Variants in BPIFC observed in about 807,000 individuals in gnomAD.
BPIFC encodes the protein BPI fold-containing family C protein.
A neutral mutation model predicts 57.6 loss-of-function variants in BPIFC; 60 were observed. The ratio of observed to expected loss-of-function variants is 1.04; its 90% CI spans 0.85 to 1.29. The LOEUF (loss-of-function observed/expected upper bound fraction) is 1.29. Among genes scored for constraint, BPIFC ranks in the 50% most tolerant of loss-of-function variants. The probability of loss-of-function intolerance (pLI) is 0.00; values close to 1 mark genes in which losing one functional copy is unlikely to be tolerated. For missense variants in BPIFC, 581 were observed against 600.5 expected, an observed-to-expected ratio of 0.97 and a Z score of 0.34; for synonymous variants, 243 against 224.5, an observed-to-expected ratio of 1.08 and a Z score of -0.74.
Position 32,449,679 on chromosome 22 carries a change from A to T in BPIFC, c.246-2339T>A, listed in dbSNP as rs570512227. ...TCTAGGTTCTTTCTAGCACTTCTGT[A>T]TTATATACAATGTCACAGTGAACAT... On this transcript the variant is annotated intron_variant, in intron 4 of 16. Coordinates refer to ENST00000300399, the MANE Select transcript of BPIFC (RefSeq NM_174932.3). Among the ~76,000 whole-genome samples, 24 of 152,120 alleles carry T rather than the reference A, an allele frequency of 1.6e-4. No homozygotes were observed. In the South Asian group the frequency reaches 2.1e-3, roughly 13 times the overall value.
Position 32,435,735 on chromosome 22 carries a change from C to T in BPIFC, c.893G>A (p.Gly298Glu), listed in dbSNP as rs1223448082. Residue 298 changes from glycine to glutamate, a missense_variant, in exon 10 of 17, where the codon GGG (glycine) becomes GAG (glutamate). Coordinates refer to ENST00000300399, the MANE Select transcript of BPIFC (RefSeq NM_174932.3). ...GGTGGAGAGAGTGACATTGAAAACC[C>T]CAGCTGTGAAATGAGCAAAGGACGC... ...KSASFAHFTA[G>E]VFNVTLSTEE... 3.1e-6 allele frequency: 5 copies of T among 1,614,018 alleles called. No homozygotes were observed. Among genetic ancestry groups the T allele is most frequent in the Non-Finnish European group, 4.2e-6 (5 of 1,179,992 alleles).
chr22:32,432,553 T>A lies in BPIFC; in HGVS notation c.979-10A>T, dbSNP rs1934279599. On this transcript the variant is annotated splice_polypyrimidine_tract_variant and intron_variant, in intron 11 of 16. Transcript: ENST00000300399. ...TGTAGATCTCTGCAATCTGCCCACA[T>A]TCCGAGAAAGAAATAAAGATTGTGA... The A allele has an allele frequency of 1.9e-6, 3 of 1,611,186 alleles. No homozygotes were observed. Among genetic ancestry groups the A allele is most frequent in the African/African-American group, 2.7e-5 (2 of 74,390 alleles).
At chr22:32,436,307 G>T (rs914599609) in intron 9 of BPIFC, among the ~76,000 whole-genome samples, 5 of 148,296 alleles carry the variant, frequency 3.4e-5, no homozygotes, top group African/African-American at 1.2e-4. Context: ...TCCAAAAGAA[G>T]AAGAGGAAGA....
intron 3 of BPIFC, 84 bp from the exon 4 acceptor site, chr22:32,453,587 TTGAG>T: frequency 7.0e-7 from 1 of 1,436,230 alleles, no homozygotes; most frequent in African/African-American, 1.4e-5. Context: ...ATACAATTTA[TTGAG>T]TGAGACATGC....
chr22:32,424,667 T>TCTTCTTCTTCTC, intron 13 of BPIFC, among the ~76,000 whole-genome samples: 1 of 73,964 alleles, frequency 1.4e-5, no homozygotes, highest in South Asian at 5.1e-4. Context: ...TTCTTCTTCT[T>TCTTCTTCTTCTC]CTTCTTCTTC....
At chr22:32,442,223 G>A (rs5998491) in intron 8 of BPIFC, among the ~76,000 whole-genome samples, 126 of 152,348 alleles carry the variant, frequency 8.3e-4, no homozygotes, top group African/African-American at 3.0e-3. Flanking sequence ...AAGGTAAAGA[G>A]AAAGATGAAG....
In BPIFC at chr22:32,449,935, C is replaced by A. The variant is rs188985157; in HGVS notation, c.246-2595G>T. 3.6e-3 allele frequency among the ~76,000 whole-genome samples: 543 copies of A among 152,012 alleles called. 3 individuals carry two copies. The highest frequency in any genetic ancestry group is 0.012 in the African/African-American group (504 of 41,474). ...ACTTTTAGTAGAGATGGGGTTTCAC[C>A]GTGTTAGCCAGGATGGTCTCGATCT... On this transcript the variant is annotated intron_variant, in intron 4 of 16. Transcript: ENST00000300399.
intron 13 of BPIFC, among the ~76,000 whole-genome samples, chr22:32,422,750 G>A (rs1933884536): frequency 6.6e-6 from 1 of 151,980 alleles, no homozygotes; most frequent in African/African-American, 2.4e-5. Flanking sequence ...AACCAGCGTA[G>A]GCTAGAGTTG....
rs189196951 is a variant in BPIFC, at chr22:32,437,413, T to C, written c.747+347A>G. Among the ~76,000 whole-genome samples the C allele has an allele frequency of 9.2e-4, 140 of 152,288 alleles. 2 individuals carry two copies. The highest frequency in any genetic ancestry group is 3.0e-3 in the African/African-American group (123 of 41,550). On this transcript the variant is annotated intron_variant, in intron 9 of 16. Transcript: ENST00000300399. ...TTCATTTTGTTTTGTTTTTTTGAGA[T>C]AGAGTCTTGCTCTGTCACCCAGGCT...
At chr22:32,435,086 C>A (rs1208550848) in intron 10 of BPIFC, among the ~76,000 whole-genome samples, 2 of 152,116 alleles carry the variant, frequency 1.3e-5, no homozygotes, top group South Asian at 4.1e-4. Flanking sequence ...TCTTTTAATG[C>A]CCATATAAAC....
intron 2 of BPIFC, among the ~76,000 whole-genome samples, chr22:32,460,304 G>A (rs1358412585): frequency 6.6e-6 from 1 of 152,190 alleles, no homozygotes; most frequent in African/African-American, 2.4e-5. Flanking sequence ...TACGCAGCTG[G>A]GTGGGAGGTG....
chr22:32,435,939 A>G (rs942704609), intron 9 of BPIFC, 59 bp from the exon 10 acceptor site: 3 of 1,535,818 alleles, frequency 2.0e-6, no homozygotes, highest in Admixed American at 2.1e-5. Context: ...TTCTAAGAAG[A>G]CTAAGAAGAT....
At chr22:32,434,923 C>G (rs529154531) in intron 10 of BPIFC, among the ~76,000 whole-genome samples, 2 of 152,216 alleles carry the variant, frequency 1.3e-5, no homozygotes, top group African/African-American at 4.8e-5. Context: ...TGTATTATTA[C>G]TGATCATTGT....
At chr22:32,420,114 G>A (rs147058256) in intron 13 of BPIFC, among the ~76,000 whole-genome samples, 1,529 of 152,052 alleles carry the variant, frequency 0.01, 11 homozygotes, top group Non-Finnish European at 0.017. Flanking sequence ...TCAGGAGATC[G>A]AGACCATCCC....
At chr22:32,435,136 T>A (rs1212326257) in intron 10 of BPIFC, among the ~76,000 whole-genome samples, 2 of 152,192 alleles carry the variant, frequency 1.3e-5, no homozygotes, top group Non-Finnish European at 2.9e-5. Context: ...CTTTTCCAGA[T>A]GAAGAAATTC....
At chr22:32,435,998 G>GAGCCACCACACCT in intron 9 of BPIFC, 118 bp from the exon 10 acceptor site, 1 of 1,143,184 alleles carries the variant, frequency 8.7e-7, no homozygotes, top group Non-Finnish European at 1.2e-6. Context: ...GGCCAGGTGT[G>GAGCCACCACACCT]GTGGCTCACG....
At chr22:32,436,874 GTC>G (rs1170403813) in intron 9 of BPIFC, among the ~76,000 whole-genome samples, 1 of 152,118 alleles carries the variant, frequency 6.6e-6, no homozygotes, top group Non-Finnish European at 1.5e-5. Context: ...ACAAAATATT[GTC>G]TTGTCCAACA....
intron 3 of BPIFC, among the ~76,000 whole-genome samples, chr22:32,456,909 A>G (rs1226564142): frequency 6.6e-6 from 1 of 152,138 alleles, no homozygotes; most frequent in African/African-American, 2.4e-5. Context: ...CCCTTTTGAA[A>G]CCAAGCCCTT....
chr22:32,437,362 C>A (rs1158845243), intron 9 of BPIFC, among the ~76,000 whole-genome samples: 1 of 152,040 alleles, frequency 6.6e-6, no homozygotes. Context: ...TGTACAGAAT[C>A]ATTGTTTTTT....
Sources: allele counts gnomAD v4.1 joint callset (sites outside exome capture counted in the v4.1 genomes callset), GRCh38; gene constraint gnomAD v4.1.1; transcripts MANE v1.5; gene names NCBI Gene and HGNC (gene_info 2026-07-23, HGNC 2026-07-21).